VIPR2: variants seen among roughly 807,000 people sequenced by gnomAD.
VIPR2 encodes vasoactive intestinal peptide receptor 2.
In VIPR2, 48 loss-of-function variants were observed where a neutral mutation model predicts 58.0. The ratio of observed to expected loss-of-function variants is 0.83; its 90% confidence interval spans 0.66 to 1.05. The LOEUF (loss-of-function observed/expected upper bound fraction) is 1.05, where lower values mean the gene tolerates loss of function less well. Among genes scored for constraint, VIPR2 ranks in the 50% least tolerant of loss-of-function variants. The pLI, the probability that VIPR2 is intolerant of heterozygous loss-of-function variation, is 0.00. For missense variants in VIPR2, 534 were observed against 558.0 expected (o/e 0.96, Z 0.43); for synonymous variants, 243 against 235.2 (o/e 1.03, Z -0.30).
rs979793274 is a variant in VIPR2 at position 159,031,625 on chromosome 7, G to A, written c.1143+203C>T. On this transcript the variant is annotated intron_variant, in intron 12 of 12. Transcript: ENST00000262178. This position sits in a 1 kb window ranked among gnomAD's most constrained non-coding sequence, Gnocchi z 4.0. ...TACTTAGGGTGGACGGAAGGACGGC[G>A]GGGTTTGGAAGCTGGGCCCAGAAGA... The A allele has an allele frequency of 3.0e-6, 3 of 985,300 alleles. No individual in the cohort carries two copies. Among genetic ancestry groups the A allele is most frequent in the Non-Finnish European group, 2.4e-6 (2 of 829,936 alleles). 61.0% of individuals were successfully genotyped at this position (985,300 alleles called of 1,614,324 possible).
In VIPR2 at chr7:159,095,165, T is replaced by C. The variant is rs115584592; in HGVS notation, c.357+8592A>G. 8.4e-3 allele frequency among the ~76,000 whole-genome samples: 1,275 copies of C among 152,144 alleles called. 16 individuals are homozygous for C. Among genetic ancestry groups the C allele is most frequent in the African/African-American group, 0.029 (1,198 of 41,500 alleles). On this transcript the variant is annotated intron_variant, in intron 4 of 12. Transcript: ENST00000262178. This position sits in a 1 kb window ranked among gnomAD's most constrained non-coding sequence, Gnocchi z 5.2. ...CACAGCGCACTATCCTGGCCTGGAGTCTATGAAATCGGAGCCGAGACAGCA... is the reference window on the plus strand; with the variant it reads ...CACAGCGCACTATCCTGGCCTGGAGCCTATGAAATCGGAGCCGAGACAGCA...
intron 5 of VIPR2, among the ~76,000 whole-genome samples, chr7:159,050,616 A>G (rs1405639835): frequency 6.6e-6 from 1 of 152,086 alleles, no homozygotes; most frequent in East Asian, 1.9e-4. Context: ...GTATGTCTAG[A>G]TTAAAGTAGA....
chr7:159,127,673 C>T lies in VIPR2; in HGVS notation c.151+14773G>A, dbSNP rs200712018. 8.5e-5 allele frequency among the ~76,000 whole-genome samples: 13 copies of T among 152,124 alleles called. No individual in the cohort carries two copies. Among genetic ancestry groups the T allele is most frequent in the African/African-American group, 2.7e-4 (11 of 41,430 alleles). On this transcript the variant is annotated intron_variant, in intron 2 of 12. Transcript: ENST00000262178. The surrounding 1 kb of genome is among the most constrained non-coding windows in gnomAD (Gnocchi z 4.6). ...GGGGCCCTCAGCTTTGGCATGTAAA[C>T]GCATGTGGGCATCAGGAAAATGGAT... is the stretch of plus-strand genomic sequence containing the variant.
chr7:159,120,005 G>C (rs1740279650), intron 2 of VIPR2, among the ~76,000 whole-genome samples: 1 of 151,544 alleles, frequency 6.6e-6, no homozygotes, highest in South Asian at 2.1e-4. Context: ...GTCCCCCTTG[G>C]GGAGGGGACA....
At chr7:159,033,897 T>G (rs1853741699) in intron 10 of VIPR2, among the ~76,000 whole-genome samples, 1 of 152,208 alleles carries the variant, frequency 6.6e-6, no homozygotes, top group Admixed American at 6.5e-5. Flanking sequence ...AAATGGTGCC[T>G]GACTTCCACA....
Position 159,029,046 on chromosome 7 carries a change from A to AT in VIPR2, c.*1569dup, listed in dbSNP as rs1384903866. The AT allele has an allele frequency of 6.6e-6, 1 of 152,230 alleles. No individual in the cohort carries two copies. Among genetic ancestry groups the AT allele is most frequent in the East Asian group, 1.9e-4 (1 of 5,188 alleles). The allele number at this position is 152,230 out of a possible 1,614,324, so 9.4% of individuals were successfully genotyped here. ...CCTAACAGCCCCTCTGTCCGGCCTC[A>AT]TTTTACCGGGGATATGGGTTTTGCA... On this transcript the variant is annotated 3_prime_UTR_variant, in exon 13 of 13. Coordinates refer to ENST00000262178, the MANE Select transcript of VIPR2 (RefSeq NM_003382.5).
Position 159,099,968 on chromosome 7 carries a change from G to A in VIPR2, c.357+3789C>T, listed in dbSNP as rs1461183344. 1.3e-5 allele frequency among the ~76,000 whole-genome samples: 2 copies of A among 152,226 alleles called. No homozygotes were observed. The highest frequency in any genetic ancestry group is 4.8e-5 in the African/African-American group (2 of 41,548). ...CATGCGCCCCAGGATCCTCCCTGAG[G>A]ACCTTCCTCAAGGGCTCACAGCCAT... On this transcript the variant is annotated intron_variant, in intron 4 of 12. Transcript: ENST00000262178. This position sits in a 1 kb window ranked among gnomAD's most constrained non-coding sequence, Gnocchi z 4.2.
chr7:159,112,727 CGGCGCCT>C (rs1238224486), intron 2 of VIPR2, among the ~76,000 whole-genome samples: 2 of 133,514 alleles, frequency 1.5e-5, no homozygotes, highest in African/African-American at 5.5e-5. Flanking sequence ...AGGAGACTCA[CGGCGCCT>C]ACCTGGGACC....
intron 6 of VIPR2, among the ~76,000 whole-genome samples, chr7:159,039,626 C>T (rs923987262): frequency 6.6e-6 from 1 of 152,348 alleles, no homozygotes; most frequent in South Asian, 2.1e-4. Context: ...GGGATTAGTG[C>T]CCCTGTAAAG....
chr7:159,078,081 G>A (rs942908298), intron 4 of VIPR2, among the ~76,000 whole-genome samples: 1 of 152,202 alleles, frequency 6.6e-6, no homozygotes, highest in African/African-American at 2.4e-5. Flanking sequence ...GCCTGTTCCT[G>A]TGTGGGCCAC....
intron 4 of VIPR2, chr7:159,059,386 G>A (rs754520156): frequency 4.9e-5 from 23 of 466,998 alleles, no homozygotes; most frequent in Admixed American, 2.4e-5. Flanking sequence ...AACAATCCAC[G>A]TGTGCTTATG....
At chr7:159,090,492 G>A (rs1416122747) in intron 4 of VIPR2, among the ~76,000 whole-genome samples, 4 of 71,014 alleles carry the variant, frequency 5.6e-5, no homozygotes, top group African/African-American at 2.8e-4. Flanking sequence ...TCACGCACAG[G>A]GGCCACCTCC....
intron 5 of VIPR2, among the ~76,000 whole-genome samples, chr7:159,045,321 G>A (rs1313531050): frequency 3.9e-5 from 6 of 152,150 alleles, no homozygotes; most frequent in African/African-American, 1.2e-4. Flanking sequence ...GAACAAAGCT[G>A]AAGAACTCAT....
intron 4 of VIPR2, among the ~76,000 whole-genome samples, chr7:159,091,524 C>T (rs77740290): frequency 6.6e-6 from 1 of 152,200 alleles, no homozygotes; most frequent in East Asian, 1.9e-4. Flanking sequence ...TGTAATCCCA[C>T]AACTGCAGCC....
chr7:159,104,774 G>A (rs572675535), intron 3 of VIPR2, among the ~76,000 whole-genome samples: 1 of 149,638 alleles, frequency 6.7e-6, no homozygotes, highest in South Asian at 2.2e-4. Context: ...CTCCCAGCCA[G>A]CACCCTTGCC....
Position 159,069,459 on chromosome 7 carries a change from C to A in VIPR2, c.358-10881G>T, listed in dbSNP as rs78988873. Among the ~76,000 whole-genome samples, 12 of 152,340 alleles carry A rather than the reference C, an allele frequency of 7.9e-5. No individual in the cohort carries two copies. The East Asian group carries it at 2.3e-3, about 29-fold the overall frequency. The stretch of plus-strand genomic sequence containing the variant: ...ATCCATCTCTTGTCTCCAGAACTTT[C>A]CAGACCCACCACAATTGTCTGGCCA... On this transcript the variant is annotated intron_variant, in intron 4 of 12. Coordinates refer to ENST00000262178, the MANE Select transcript of VIPR2 (RefSeq NM_003382.5).
chr7:159,084,286 A>C (rs1277139429), intron 4 of VIPR2, among the ~76,000 whole-genome samples: 1 of 152,172 alleles, frequency 6.6e-6, no homozygotes, highest in Non-Finnish European at 1.5e-5. Context: ...GGAGGATGAG[A>C]GTGCTCGGGG....
intron 4 of VIPR2, among the ~76,000 whole-genome samples, chr7:159,070,660 TC>T (rs1366970103): frequency 1.3e-5 from 2 of 152,176 alleles, no homozygotes; most frequent in African/African-American, 4.8e-5. Flanking sequence ...TTGGGAACTG[TC>T]CCAGAAGACA....
At chr7:159,119,236 C>T (rs1796361083) in intron 2 of VIPR2, among the ~76,000 whole-genome samples, 1 of 152,168 alleles carries the variant, frequency 6.6e-6, no homozygotes, top group Non-Finnish European at 1.5e-5. Flanking sequence ...TGCAGGGGTC[C>T]CGCCCCACAG....
Sources: gnomAD v4.1 joint callset for allele counts (sites outside exome capture counted in the v4.1 genomes callset) on GRCh38, gnomAD v4.1.1 for gene constraint, Gnocchi (gnomAD v3.1) non-coding constraint, MANE v1.5 for transcripts, NCBI Gene and HGNC (gene_info 2026-07-23, HGNC 2026-07-21) for gene names.